The following RGL1 variants were observed in gnomAD, a reference collection of about 807,000 sequenced individuals.
RGL1 encodes the protein ral guanine nucleotide dissociation stimulator like 1, also known as ral guanine nucleotide dissociation stimulator-like 1.
A neutral mutation model predicts 95.2 loss-of-function variants in RGL1; 24 were observed. The observed-to-expected ratio is 0.25, with a 90% CI of 0.18 to 0.35. RGL1 has a LOEUF of 0.35. Ranked by LOEUF, RGL1 falls within the 10% of genes least tolerant of loss-of-function variation. The probability of loss-of-function intolerance (pLI) is 1.00; values close to 1 mark genes in which losing one functional copy is unlikely to be tolerated. For missense variants in RGL1, 715 were observed against 936.3 expected (o/e 0.76, Z 3.08); for synonymous variants, 329 against 344.9 (o/e 0.95, Z 0.51).
chr1:183,750,075 C>G (rs1213655675), intron 2 of RGL1, among the ~76,000 whole-genome samples: 1 of 152,110 alleles, frequency 6.6e-6, no homozygotes, highest in African/African-American at 2.4e-5. Flanking sequence ...TAGTGGTGCT[C>G]TCTGCATTTC....
intron 2 of RGL1, among the ~76,000 whole-genome samples, chr1:183,811,275 C>A (rs1661694573): frequency 6.6e-6 from 1 of 152,224 alleles, no homozygotes; most frequent in African/African-American, 2.4e-5. Context: ...TTGTACTTCT[C>A]TTGCTGCTGA....
intron 1 of RGL1, among the ~76,000 whole-genome samples, chr1:183,722,094 A>G (rs1656042109): frequency 6.6e-6 from 1 of 152,156 alleles, no homozygotes; most frequent in Non-Finnish European, 1.5e-5. Flanking sequence ...GGAGCTGGAC[A>G]TGAAGGCAGA....
intron 2 of RGL1, among the ~76,000 whole-genome samples, chr1:183,759,288 A>G (rs1658524162): frequency 6.6e-6 from 1 of 152,184 alleles, no homozygotes; most frequent in South Asian, 2.1e-4. Flanking sequence ...AAGGCATGCC[A>G]CGGCAGGGAG....
In RGL1 at chr1:183,852,944, G is replaced by A. The variant is rs181199819; in HGVS notation, c.347+5170G>A. ...TGAGAGCCATGAAATGTTGGCACAAGTATCTAGAGTTTTCTTCAGATAGCT... is the reference window on the plus strand; with the variant it reads ...TGAGAGCCATGAAATGTTGGCACAAATATCTAGAGTTTTCTTCAGATAGCT... On this transcript the variant is annotated intron_variant, in intron 3 of 17. Transcript: ENST00000360851. 1.3e-3 allele frequency among the ~76,000 whole-genome samples: 203 copies of A among 152,322 alleles called. 1 individual carries two copies. The highest frequency in any genetic ancestry group is 2.4e-3 in the Non-Finnish European group (166 of 68,024).
chr1:183,888,281 G>A (rs1667231520), intron 7 of RGL1, among the ~76,000 whole-genome samples, 193 bp from the exon 8 acceptor site: 1 of 152,150 alleles, frequency 6.6e-6, no homozygotes, highest in Admixed American at 6.5e-5. Context: ...AGCATACTGT[G>A]CCAAAATCTA....
intron 1 of RGL1, among the ~76,000 whole-genome samples, chr1:183,736,804 C>T (rs544794845): frequency 5.3e-5 from 8 of 152,056 alleles, no homozygotes; most frequent in African/African-American, 1.4e-4. Flanking sequence ...CAGGTAGAAG[C>T]AAAAGGAAAA....
chr1:183,683,120 T>C (rs961468745), intron 1 of RGL1, among the ~76,000 whole-genome samples: 1 of 152,210 alleles, frequency 6.6e-6, no homozygotes, highest in Non-Finnish European at 1.5e-5. Context: ...CTTGACTCTA[T>C]CCAATTTGCC....
At chr1:183,911,420 A>G (rs4526577) in intron 14 of RGL1, among the ~76,000 whole-genome samples, 44,775 of 152,066 alleles carry the variant, frequency 0.29, 6,801 homozygotes, top group East Asian at 0.48. Flanking sequence ...ATTCATAAAC[A>G]GAAACCCTCA....
chr1:183,746,319 C>T (rs925244999), intron 2 of RGL1, among the ~76,000 whole-genome samples: 1 of 151,642 alleles, frequency 6.6e-6, no homozygotes, highest in East Asian at 1.9e-4. Context: ...TTGAGTTATA[C>T]ACACACACAC....
intron 1 of RGL1, among the ~76,000 whole-genome samples, chr1:183,670,459 C>T (rs758335624): frequency 3.9e-5 from 6 of 152,174 alleles, no homozygotes; most frequent in East Asian, 1.9e-4. Flanking sequence ...GGATGTAAAA[C>T]GCATAAAAGT....
rs186891607 is a variant in RGL1 at position 183,852,201 on chromosome 1, T to G, written c.347+4427T>G. ...CTTAAGACTTCTAATAATGTGGGTT[T>G]TCTCATATGGAACTATTTGCTTTCT... On this transcript the variant is annotated intron_variant, in intron 3 of 17. Coordinates refer to ENST00000360851, the MANE Select transcript of RGL1 (RefSeq NM_001297671.3). Among the ~76,000 whole-genome samples the G allele has an allele frequency of 7.9e-5, 12 of 152,356 alleles. 1 individual carries two copies. The highest frequency in any genetic ancestry group is 3.3e-4 in the Admixed American group (5 of 15,304).
upstream of RGL1, among the ~76,000 whole-genome samples, chr1:183,800,422 C>A (rs1009122410): frequency 1.3e-5 from 2 of 152,046 alleles, no homozygotes; most frequent in African/African-American, 4.8e-5. Context: ...GTTGCTCTTC[C>A]ATACCTCTTT....
chr1:183,636,908 A>C (rs1303569953), intron 1 of RGL1, among the ~76,000 whole-genome samples: 1 of 152,210 alleles, frequency 6.6e-6, no homozygotes, highest in Admixed American at 6.5e-5. Context: ...ATTTGGCTGG[A>C]CACTGCTCGG....
rs773958657 is a variant in RGL1, at chr1:183,916,532, C to T, written c.1835C>T (p.Ser612Phe). The T allele has an allele frequency of 6.2e-6, 10 of 1,613,826 alleles. No homozygotes were observed. In the East Asian group the frequency reaches 1.8e-4, roughly 29 times the overall value. Reference sequence around the variant, plus strand: ...ATGTCTTCCTTAATCAACCCCCTCTCCTCCCCTCCGTCCTGCAACAACAAC... The same window carrying T: ...ATGTCTTCCTTAATCAACCCCCTCTTCTCCCCTCCGTCCTGCAACAACAAC... ...SGMSSLINPLSSPPSCNNNPK... is the reference protein window; with the variant it reads ...SGMSSLINPLFSPPSCNNNPK... The change falls in exon 16 of 18, where the codon TCC (serine) becomes TTC (phenylalanine). Residue 612 changes from serine (S) to phenylalanine (F), a missense_variant. Ser to Phe is a radical substitution (Grantham distance 155). This residue lies in a region of RGL1 where 330 missense variants were observed against 429.6 expected (regional missense o/e 0.77). Coordinates refer to ENST00000360851, the MANE Select transcript of RGL1 (RefSeq NM_001297671.3).
At chr1:183,823,430 G>T (rs988308178) in intron 2 of RGL1, among the ~76,000 whole-genome samples, 8 of 152,072 alleles carry the variant, frequency 5.3e-5, no homozygotes, top group Non-Finnish European at 1.2e-4. Flanking sequence ...CAATGTATTA[G>T]CTATAACTTT....
chr1:183,854,102 C>A (rs1664992373), intron 3 of RGL1, among the ~76,000 whole-genome samples: 1 of 152,122 alleles, frequency 6.6e-6, no homozygotes, highest in Non-Finnish European at 1.5e-5. Flanking sequence ...TTAAACAAAT[C>A]AGTGTGCAAA....
chr1:183,866,713 T>G (rs1281845467), intron 4 of RGL1, among the ~76,000 whole-genome samples: 1 of 152,020 alleles, frequency 6.6e-6, no homozygotes, highest in African/African-American at 2.4e-5. Context: ...AAGAAGCGCT[T>G]AGAAGGTTTT....
chr1:183,841,033 T>G (rs1012787992), intron 2 of RGL1, among the ~76,000 whole-genome samples: 1 of 152,214 alleles, frequency 6.6e-6, no homozygotes, highest in Non-Finnish European at 1.5e-5. Context: ...TCACATTTTA[T>G]TGTAATGGTT....
chr1:183,855,727 A>G (rs1558251313), intron 3 of RGL1, among the ~76,000 whole-genome samples: 1 of 152,192 alleles, frequency 6.6e-6, no homozygotes, highest in Non-Finnish European at 1.5e-5. Flanking sequence ...TAGAGGTGAC[A>G]CTGAGACCAT....
Sources: gnomAD v4.1 joint callset for allele counts (sites outside exome capture counted in the v4.1 genomes callset) on GRCh38, gnomAD v4.1.1 for gene constraint, gnomAD v4.1.1 regional missense constraint, MANE v1.5 for transcripts, NCBI Gene and HGNC (gene_info 2026-07-23, HGNC 2026-07-21) for gene names.